Variants in E2F7 observed in about 807,000 individuals in gnomAD.
E2F7 encodes E2F transcription factor 7.
Under a neutral mutation model 81.1 loss-of-function variants are expected in E2F7, and 35 were observed. The ratio of observed to expected loss-of-function variants is 0.43; its 90% CI spans 0.33 to 0.57. E2F7 has a LOEUF of 0.57. Among genes scored for constraint, E2F7 ranks in the 20% least tolerant of loss-of-function variants. The pLI is 0.04. For synonymous variants in E2F7, 416 were observed against 416.2 expected (o/e 1.00, Z 0.01); for missense variants, 961 against 1,093.7 (o/e 0.88, Z 1.71).
intron 11 of E2F7, among the ~76,000 whole-genome samples, chr12:77,026,678 C>T (rs536345342): frequency 2.4e-4 from 36 of 152,260 alleles, no homozygotes; most frequent in Non-Finnish European, 1.9e-4. Context: ...ACAATTTTAA[C>T]AGTACCTTGA....
In E2F7 at chr12:77,055,984, T is replaced by C. The variant is rs199883530; in HGVS notation, c.240A>G (p.Pro80=). 1.1e-5 allele frequency: 18 copies of C among 1,614,200 alleles called. No homozygotes were observed. In the East Asian group the frequency reaches 2.0e-4, roughly 18 times the overall value. Reference sequence around the variant, plus strand: ...TCTTCAGGTTAGCTGTGGGTGTCCATGGTTCCGCTTGCTGTCTGTCAACAA... The same window carrying C: ...TCTTCAGGTTAGCTGTGGGTGTCCACGGTTCCGCTTGCTGTCTGTCAACAA... ...VKFVDRQQAE[P]WTPTANLKML... is the part of the protein sequence containing the mutation. Residue 80 remains proline, a synonymous_variant, in exon 3 of 13, where the codon CCA becomes CCG. Coordinates refer to ENST00000322886, the MANE Select transcript of E2F7 (RefSeq NM_203394.3).
chr12:77,049,336 T>C (rs1954967646), intron 4 of E2F7, among the ~76,000 whole-genome samples: 1 of 152,096 alleles, frequency 6.6e-6, no homozygotes, highest in Admixed American at 6.6e-5. Flanking sequence ...CCCCAAACCA[T>C]AGCATTCTAC....
chr12:77,062,297 T>C (rs1955085013), intron 2 of E2F7, among the ~76,000 whole-genome samples: 1 of 152,194 alleles, frequency 6.6e-6, no homozygotes, highest in African/African-American at 2.4e-5. Context: ...AACAAAAATA[T>C]TTGTTGAAAG....
chr12:77,062,590 T>C (rs1955087025), intron 2 of E2F7, among the ~76,000 whole-genome samples: 1 of 147,204 alleles, frequency 6.8e-6, no homozygotes, highest in Non-Finnish European at 1.5e-5. Flanking sequence ...TTTAAGTCAC[T>C]TGAGTTTTTT....
intron 9 of E2F7, among the ~76,000 whole-genome samples, chr12:77,031,589 T>C (rs568915493): frequency 6.6e-6 from 1 of 152,232 alleles, no homozygotes; most frequent in Admixed American, 6.5e-5. Flanking sequence ...TGCAGTGAGC[T>C]GAGATCATGC....
intron 7 of E2F7, among the ~76,000 whole-genome samples, chr12:77,041,189 A>G (rs1401184024): frequency 6.6e-6 from 1 of 152,054 alleles, no homozygotes; most frequent in African/African-American, 2.4e-5. Flanking sequence ...TCTTCCAGCT[A>G]TCTTACTTTC....
At chr12:77,038,962 G>A (rs1954875147) in intron 7 of E2F7, among the ~76,000 whole-genome samples, 1 of 152,154 alleles carries the variant, frequency 6.6e-6, no homozygotes, top group Non-Finnish European at 1.5e-5. Flanking sequence ...AACTGAAGAG[G>A]AGTAACTACT....
rs940015583 is a variant in E2F7 at position 77,059,682 on chromosome 12, T to C, written c.94-3552A>G. Reference sequence around the variant, plus strand: ...AGCCTCTCCTGTACTCATTGGCTGGTAGAAGTAGCACAGACATATAAAAGC... The same window carrying C: ...AGCCTCTCCTGTACTCATTGGCTGGCAGAAGTAGCACAGACATATAAAAGC... On this transcript the variant is annotated intron_variant, in intron 2 of 12. Coordinates refer to ENST00000322886, the MANE Select transcript of E2F7 (RefSeq NM_203394.3). Among the ~76,000 whole-genome samples, 15 of 152,210 alleles carry C rather than the reference T, an allele frequency of 9.9e-5. 2 individuals carry two copies. The highest frequency in any genetic ancestry group is 8.5e-4 in the Admixed American group (13 of 15,292).
chr12:77,023,125 A>G lies in E2F7; in HGVS notation c.*890T>C, dbSNP rs1954727757. ...AAACAGCAATTGTTAGAAGGCATCC[A>G]TATCTGATGGCGCTACAGCTAAATA... On this transcript the variant is annotated 3_prime_UTR_variant, in exon 13 of 13. Transcript: ENST00000322886. The G allele has an allele frequency of 6.6e-6, 1 of 152,290 alleles. No homozygotes were observed. Among genetic ancestry groups the G allele is most frequent in the South Asian group, 2.1e-4 (1 of 4,836 alleles). 9.4% of individuals were successfully genotyped at this position (152,290 alleles called of 1,614,324 possible). A position where few individuals can be genotyped will look rare whatever the true frequency, so the allele number is the denominator to read the frequency against.
At chr12:77,056,270 C>CCTG in intron 2 of E2F7, 140 bp from the exon 3 acceptor site, 1 of 882,512 alleles carries the variant, frequency 1.1e-6, no homozygotes. Flanking sequence ...CAGGATAGGA[C>CCTG]TAACGAAAAG....
intron 4 of E2F7, among the ~76,000 whole-genome samples, chr12:77,048,462 T>C (rs1348154650): frequency 6.6e-6 from 1 of 152,216 alleles, no homozygotes; most frequent in Non-Finnish European, 1.5e-5. Context: ...TTAAGTCACT[T>C]CCAGTTCTCT....
chr12:77,041,584 A>T (rs557575971), intron 7 of E2F7, among the ~76,000 whole-genome samples: 15 of 152,208 alleles, frequency 9.9e-5, no homozygotes, highest in African/African-American at 2.9e-4. Flanking sequence ...TCTGTCTATC[A>T]CATCTAGTCC....
At chr12:77,054,594 G>T (rs748219423) in intron 3 of E2F7, among the ~76,000 whole-genome samples, 7 of 152,134 alleles carry the variant, frequency 4.6e-5, no homozygotes, top group Non-Finnish European at 8.8e-5. Context: ...AACCTTTCTA[G>T]TGACTGATCG....
chr12:77,047,707 G>T (rs1409373169), intron 4 of E2F7, among the ~76,000 whole-genome samples: 1 of 152,134 alleles, frequency 6.6e-6, no homozygotes, highest in Non-Finnish European at 1.5e-5. Flanking sequence ...TGCATGAAGA[G>T]GCATTTCACA....
chr12:77,032,999 A>C (rs773865334), intron 9 of E2F7, 51 bp downstream of exon 9: 2 of 1,542,788 alleles, frequency 1.3e-6, no homozygotes, highest in East Asian at 2.3e-5. Flanking sequence ...AGTCAAAGTT[A>C]ACACTAGGAG....
In E2F7 at chr12:77,033,866, C is replaced by G. The variant is rs762115961; in HGVS notation, c.1300G>C (p.Glu434Gln). Residue 434 changes from glutamate to glutamine, a missense_variant, in exon 8 of 13, where the codon GAA (glutamate) becomes CAA (glutamine). Physicochemically the swap from Glu to Gln is conservative, Grantham distance 29 (BLOSUM62 2). Coordinates refer to ENST00000322886, the MANE Select transcript of E2F7 (RefSeq NM_203394.3). ...VNSEPSSPYR[E>Q]EQGSGGYSLE... ...ATGCAAGGGCAGATACCTTGTTCTT[C>G]TCTGTACGGGCTGCTCGGTTCTGAG... The G allele has an allele frequency of 2.5e-6, 4 of 1,606,656 alleles. No individual in the cohort carries two copies. In the South Asian group the frequency reaches 3.3e-5, roughly 13 times the overall value.
rs540209216 is a variant in E2F7 at position 77,024,492 on chromosome 12, C to T, written c.2566-307G>A. On this transcript the variant is annotated intron_variant, in intron 12 of 12. Transcript: ENST00000322886. ...GCAACCTGTCCCTCAGTTTCTTCCT[C>T]CATCCAACGGCGATGGTAAAATTAC... 2.5e-3 allele frequency among the ~76,000 whole-genome samples: 378 copies of T among 152,300 alleles called. 7 individuals are homozygous for T. The highest frequency in any genetic ancestry group is 3.3e-3 in the Non-Finnish European group (224 of 68,032).
At chr12:77,057,647 C>T (rs537242050) in intron 2 of E2F7, among the ~76,000 whole-genome samples, 3 of 152,286 alleles carry the variant, frequency 2.0e-5, no homozygotes, top group East Asian at 1.9e-4. Flanking sequence ...AAAAGACTAA[C>T]GATGGGCCCA....
intron 4 of E2F7, among the ~76,000 whole-genome samples, chr12:77,049,639 C>T (rs374934166): frequency 2.0e-5 from 3 of 152,198 alleles, no homozygotes; most frequent in African/African-American, 4.8e-5. Context: ...GTCTTCTTAT[C>T]ATAACCCACT....
Sources: gnomAD v4.1 joint callset for allele counts (sites outside exome capture counted in the v4.1 genomes callset) on GRCh38, gnomAD v4.1.1 for gene constraint, MANE v1.5 for transcripts, NCBI Gene and HGNC (gene_info 2026-07-23, HGNC 2026-07-21) for gene names.